Variants in DHRS3 observed in about 807,000 individuals in gnomAD.
The protein encoded by DHRS3 is short-chain dehydrogenase/reductase 3.
DHRS3 carries 14 observed loss-of-function variants against 27.2 expected under a neutral mutation model. The observed-to-expected ratio is 0.52, with a 90% CI of 0.34 to 0.81. DHRS3 has a LOEUF of 0.81. Among genes scored for constraint, DHRS3 ranks in the 30% least tolerant of loss-of-function variants. DHRS3 has a pLI of 0.01. For missense variants in DHRS3, 322 were observed against 406.2 expected, an observed-to-expected ratio of 0.79 and a Z score of 1.78; for synonymous variants, 165 against 175.9, an observed-to-expected ratio of 0.94 and a Z score of 0.49.
chr1:12,596,997 C>A (rs1646802916), intron 1 of DHRS3, among the ~76,000 whole-genome samples: 1 of 152,034 alleles, frequency 6.6e-6, no homozygotes, highest in African/African-American at 2.4e-5. Flanking sequence ...CTCAAGGAGA[C>A]CCCCATTGAC....
chr1:12,568,971 C>T (rs555822928), intron 5 of DHRS3, among the ~76,000 whole-genome samples: 3 of 152,198 alleles, frequency 2.0e-5, no homozygotes, highest in Non-Finnish European at 2.9e-5. Flanking sequence ...GCCTGTAATC[C>T]CAGCACTTTG....
intron 1 of DHRS3, among the ~76,000 whole-genome samples, chr1:12,583,015 A>C: frequency 7.0e-6 from 1 of 143,058 alleles, no homozygotes; most frequent in South Asian, 2.2e-4. Context: ...CACTGTACCC[A>C]CTGTACCCAC....
chr1:12,568,006 T>C lies in DHRS3; in HGVS notation c.*334A>G, dbSNP rs965846491. On this transcript the variant is annotated 3_prime_UTR_variant, in exon 6 of 6. Transcript: ENST00000616661. Reference sequence around the variant, plus strand: ...GTTTTGGAACGGGAGGCAGAGCATCTGGGGACAGACCCTCCTGGAAATGGT... The same window carrying C: ...GTTTTGGAACGGGAGGCAGAGCATCCGGGGACAGACCCTCCTGGAAATGGT... The C allele has an allele frequency of 1.1e-5, 2 of 185,872 alleles. No individual in the cohort carries two copies. Among genetic ancestry groups the C allele is most frequent in the African/African-American group, 4.7e-5 (2 of 42,640 alleles). The allele number at this position is 185,872 out of a possible 1,614,324, so 11.5% of individuals were successfully genotyped here.
intron 1 of DHRS3, among the ~76,000 whole-genome samples, chr1:12,614,881 C>T (rs1431642914): frequency 2.6e-5 from 4 of 152,074 alleles, no homozygotes; most frequent in Admixed American, 6.5e-5. Flanking sequence ...TCCACACAGC[C>T]GCCCCCTGTC....
At chr1:12,602,416 A>G (rs954867083) in intron 1 of DHRS3, among the ~76,000 whole-genome samples, 2 of 152,134 alleles carry the variant, frequency 1.3e-5, no homozygotes. Context: ...GACTTCTAGA[A>G]AGGGTCAAAG....
chr1:12,597,085 C>G lies in DHRS3; in HGVS notation c.196-16419G>C, dbSNP rs555735748. 3.3e-5 allele frequency among the ~76,000 whole-genome samples: 5 copies of G among 151,812 alleles called. No homozygotes were observed. The East Asian group carries it at 9.7e-4, about 30-fold the overall frequency. ...GGAACCTAGAAATGACCCCAGATCT[C>G]CCCCCGCCCTAGACGGAGTCTCACT... is the stretch of plus-strand genomic sequence containing the variant. On this transcript the variant is annotated intron_variant, in intron 1 of 5. Coordinates refer to ENST00000616661, the MANE Select transcript of DHRS3 (RefSeq NM_004753.7).
rs1044651404 is a variant in DHRS3 at position 12,618,031 on chromosome 1, T to C, written c.-683A>G. 1.3e-5 allele frequency among the ~76,000 whole-genome samples: 2 copies of C among 151,928 alleles called. No homozygotes were observed. The highest frequency in any genetic ancestry group is 1.5e-5 in the Non-Finnish European group (1 of 67,974). The stretch of plus-strand genomic sequence containing the variant: ...GGGTCCGGGTGTCAGTTTCTTTACG[T>C]GCAGCGCTCGCCCTCGCGCGCGCTC... On this transcript the variant is annotated 5_prime_UTR_variant, in exon 1 of 6. Coordinates refer to ENST00000616661, the MANE Select transcript of DHRS3 (RefSeq NM_004753.7). This position sits in a 1 kb window ranked among gnomAD's most constrained non-coding sequence, Gnocchi z 4.2.
Position 12,615,047 on chromosome 1 carries a change from A to T in DHRS3, c.195+2107T>A, listed in dbSNP as rs76615040. Among the ~76,000 whole-genome samples, 136 of 151,104 alleles carry T rather than the reference A, an allele frequency of 9.0e-4. 3 individuals are homozygous for T. In the East Asian group the frequency reaches 0.027, roughly 30 times the overall value. On this transcript the variant is annotated intron_variant, in intron 1 of 5. Transcript: ENST00000616661. ...TCCCAACCCCACTAGGCCTCAAAAC[A>T]CTCCTGGCTCTGGGGGTTTGTCCCA...
chr1:12,582,735 C>A (rs879014728), intron 1 of DHRS3, among the ~76,000 whole-genome samples: 2 of 152,020 alleles, frequency 1.3e-5, no homozygotes, highest in Admixed American at 1.3e-4. Flanking sequence ...CCTGTGTATA[C>A]AGCCACCCAT....
At position 12,617,788 on chromosome 1, in the gene DHRS3, T is replaced by TAAAAAAAAAA. The variant is rs891272993; in HGVS notation, c.-450_-441dup. 6.5e-4 allele frequency: 2 copies of TAAAAAAAAAA among 3,070 alleles called. 1 individual carries two copies. The highest frequency in any genetic ancestry group is 1.0e-3 in the Non-Finnish European group (2 of 1,964). The allele number at this position is 3,070 out of a possible 1,614,324, so 0.2% of individuals were successfully genotyped here. On this transcript the variant is annotated 5_prime_UTR_variant, in exon 1 of 6. Coordinates refer to ENST00000616661, the MANE Select transcript of DHRS3 (RefSeq NM_004753.7). Reference sequence around the variant, plus strand: ...GTCCCGCGGTTTCAAAGTGCAAGATTAAAAAAAAAAAAAAAAAAAAAAAAA... The same window carrying TAAAAAAAAAA: ...GTCCCGCGGTTTCAAAGTGCAAGATTAAAAAAAAAAAAAAAAAAAAAAAAAAAAAAAAAAA...
intron 1 of DHRS3, among the ~76,000 whole-genome samples, chr1:12,584,583 C>A (rs1646676150): frequency 6.8e-6 from 1 of 147,410 alleles, no homozygotes; most frequent in South Asian, 2.2e-4. Context: ...AATGACAGTT[C>A]AGGTACACAG....
Position 12,578,828 on chromosome 1 carries a change from G to T in DHRS3, c.588C>A (p.Phe196Leu). 6.2e-7 allele frequency: 1 copy of T among 1,614,078 alleles called. No homozygotes were observed. The highest frequency in any genetic ancestry group is 1.1e-5 in the South Asian group (1 of 91,072). Residue 196 changes from phenylalanine to leucine, a missense_variant, in exon 4 of 6, where the codon TTC becomes TTA. Physicochemically the swap from Phe to Leu is conservative, Grantham distance 22. Coordinates refer to ENST00000616661, the MANE Select transcript of DHRS3 (RefSeq NM_004753.7). This position sits in a 1 kb window ranked among gnomAD's most constrained non-coding sequence, Gnocchi z 4.5. ...IDYCTSKASA[F>L]AFMESLTLGL... ...CCAGGGTCAGGCTCTCCATGAAGGCGAAGGCTGACGCTTTGGATGTGCAGT... is the reference window on the plus strand; with the variant it reads ...CCAGGGTCAGGCTCTCCATGAAGGCTAAGGCTGACGCTTTGGATGTGCAGT...
Position 12,599,854 on chromosome 1 carries a change from C to T in DHRS3, c.195+17300G>A, listed in dbSNP as rs148912783. Among the ~76,000 whole-genome samples the T allele has an allele frequency of 4.6e-5, 7 of 152,328 alleles. No homozygotes were observed. The East Asian group carries it at 5.8e-4, about 13-fold the overall frequency. On this transcript the variant is annotated intron_variant, in intron 1 of 5. Coordinates refer to ENST00000616661, the MANE Select transcript of DHRS3 (RefSeq NM_004753.7). ...TGTGTGACCTTGGGCAAGTATTTAA[C>T]GTCTCTGAGCCCTAGTATTTCCATC...
chr1:12,590,615 T>C (rs1446226844), intron 1 of DHRS3, among the ~76,000 whole-genome samples: 2 of 152,004 alleles, frequency 1.3e-5, no homozygotes, highest in Admixed American at 1.3e-4. Flanking sequence ...CGACCTAGAA[T>C]AGTCATTTCT....
intron 5 of DHRS3, among the ~76,000 whole-genome samples, chr1:12,569,225 T>TCACACACACA (rs1557509277): frequency 3.4e-4 from 40 of 118,020 alleles, no homozygotes; most frequent in African/African-American, 1.5e-3. Context: ...CCCCTCTCTC[T>TCACACACACA]CTCTCTCACA....
rs370190937 is a variant in DHRS3, at chr1:12,578,714, T to C, written c.698+4A>G. The C allele has an allele frequency of 2.5e-6, 4 of 1,608,946 alleles. No homozygotes were observed. The highest frequency in any genetic ancestry group is 3.4e-6 in the Non-Finnish European group (4 of 1,175,818). ...GTCTCAAGGTGGGTCCCCTGCTCAC[T>C]GACCTGACTCTCATGCCCTGGAACA... On this transcript the variant is annotated splice_donor_region_variant and intron_variant, in intron 4 of 5. Transcript: ENST00000616661. This position sits in a 1 kb window ranked among gnomAD's most constrained non-coding sequence, Gnocchi z 4.5.
rs140907117 is a variant in DHRS3 at position 12,588,266 on chromosome 1, A to G, written c.196-7600T>C. ...CCACAACAACAACAGCACCACCACT[A>G]TATAATGGCTAAATCTGTTGAGCAG... is the stretch of plus-strand genomic sequence containing the variant. On this transcript the variant is annotated intron_variant, in intron 1 of 5. Coordinates refer to ENST00000616661, the MANE Select transcript of DHRS3 (RefSeq NM_004753.7). Among the ~76,000 whole-genome samples the G allele has an allele frequency of 8.5e-5, 13 of 152,226 alleles. 1 individual carries two copies. In the East Asian group the frequency reaches 2.1e-3, roughly 25 times the overall value.
At chr1:12,606,803 C>T (rs1390588397) in intron 1 of DHRS3, among the ~76,000 whole-genome samples, 1 of 152,024 alleles carries the variant, frequency 6.6e-6, no homozygotes, top group African/African-American at 2.4e-5. Flanking sequence ...CTGCTTTCAA[C>T]AAAAATTTTA....
chr1:12,616,706 G>A (rs985284259), intron 1 of DHRS3: 2 of 1,008,438 alleles, frequency 2.0e-6, no homozygotes, highest in Non-Finnish European at 2.4e-6. Flanking sequence ...GCCCAGGTTG[G>A]GGCTGGGTAG....
Sources: allele counts gnomAD v4.1 joint callset (sites outside exome capture counted in the v4.1 genomes callset), GRCh38; gene constraint gnomAD v4.1.1; non-coding constraint Gnocchi (gnomAD v3.1); transcripts MANE v1.5; gene names NCBI Gene and HGNC (gene_info 2026-07-23, HGNC 2026-07-21).